The following GRIN2A variants were observed in gnomAD, a reference collection of about 807,000 sequenced individuals.
GRIN2A encodes glutamate ionotropic receptor NMDA type subunit 2A, also known as glutamate receptor ionotropic, NMDA 2A.
In GRIN2A, 22 loss-of-function variants were observed where a neutral mutation model predicts 113.4. That is an observed-to-expected ratio of 0.19 (90% CI 0.14 to 0.28). The LOEUF (loss-of-function observed/expected upper bound fraction) is 0.28. Among genes scored for constraint, GRIN2A ranks in the 10% least tolerant of loss-of-function variants. The pLI is 1.00. For synonymous variants in GRIN2A, 827 were observed against 738.4 expected (o/e 1.12, Z -1.94); for missense variants, 1,502 against 1,887.0 (o/e 0.80, Z 3.78).
At chr16:9,806,910 C>G (rs2041981154) in intron 10 of GRIN2A, among the ~76,000 whole-genome samples, 1 of 151,772 alleles carries the variant, frequency 6.6e-6, no homozygotes, top group Non-Finnish European at 1.5e-5. Flanking sequence ...GTGGGAGGGA[C>G]CCAGTGGGGG....
intron 2 of GRIN2A, among the ~76,000 whole-genome samples, chr16:10,177,667 G>A (rs1033990979): frequency 3.9e-5 from 6 of 152,004 alleles, no homozygotes; most frequent in Non-Finnish European, 5.9e-5. Flanking sequence ...TCCCCAAAAC[G>A]CAGTTTCATC....
At chr16:10,149,207 A>G (rs1326921883) in intron 2 of GRIN2A, among the ~76,000 whole-genome samples, 4 of 152,238 alleles carry the variant, frequency 2.6e-5, no homozygotes, top group South Asian at 2.1e-4. Context: ...TATATTTTTA[A>G]GTAAGTAAAA....
intron 2 of GRIN2A, among the ~76,000 whole-genome samples, chr16:10,087,074 G>A (rs528440660): frequency 1.8e-4 from 27 of 152,364 alleles, no homozygotes; most frequent in Non-Finnish European, 3.5e-4. Context: ...GATGAATGCA[G>A]TGGCTAAAGC....
intron 2 of GRIN2A, among the ~76,000 whole-genome samples, chr16:9,962,071 G>A (rs903581326): frequency 6.6e-6 from 1 of 152,174 alleles, no homozygotes; most frequent in Non-Finnish European, 1.5e-5. Flanking sequence ...GTAGAAAGCT[G>A]AAACTGGATC....
intron 4 of GRIN2A, among the ~76,000 whole-genome samples, chr16:9,883,445 A>G (rs1247268040): frequency 6.6e-6 from 1 of 152,214 alleles, no homozygotes; most frequent in Non-Finnish European, 1.5e-5. Context: ...GAATTAGTAT[A>G]CAGGTCTGCA....
chr16:9,994,951 A>G (rs193201108), intron 2 of GRIN2A, among the ~76,000 whole-genome samples: 127 of 152,322 alleles, frequency 8.3e-4, no homozygotes, highest in Middle Eastern at 6.8e-3. Context: ...CTAAGGTGAT[A>G]GGGTATGACA....
At chr16:9,824,784 T>C (rs766111106) in intron 9 of GRIN2A, among the ~76,000 whole-genome samples, 2 of 152,210 alleles carry the variant, frequency 1.3e-5, no homozygotes, top group Non-Finnish European at 2.9e-5. Flanking sequence ...TTATCCATTA[T>C]GTTCTATTTT....
chr16:9,766,543 C>T (rs1900934217), intron 12 of GRIN2A, among the ~76,000 whole-genome samples: 1 of 152,148 alleles, frequency 6.6e-6, no homozygotes, highest in African/African-American at 2.4e-5. Context: ...TTCCTGCAAA[C>T]TTATCTGTGG....
chr16:10,105,163 C>G (rs1342452405), intron 2 of GRIN2A, among the ~76,000 whole-genome samples: 1 of 151,930 alleles, frequency 6.6e-6, no homozygotes, highest in African/African-American at 2.4e-5. Flanking sequence ...CCTGGAGAAG[C>G]CTGGGGAAGC....
chr16:9,901,112 A>T (rs142190106), intron 3 of GRIN2A, among the ~76,000 whole-genome samples: 2 of 152,284 alleles, frequency 1.3e-5, no homozygotes, highest in East Asian at 3.9e-4. Flanking sequence ...AAAAGCAGGG[A>T]TTTTGCCTGG....
chr16:9,790,239 A>G (rs551312059), intron 11 of GRIN2A, among the ~76,000 whole-genome samples: 1 of 152,366 alleles, frequency 6.6e-6, no homozygotes, highest in South Asian at 2.1e-4. Flanking sequence ...TCTTTCCCAA[A>G]GAAACAGAAC....
At chr16:9,930,568 C>A (rs2044565811) in intron 3 of GRIN2A, among the ~76,000 whole-genome samples, 1 of 152,212 alleles carries the variant, frequency 6.6e-6, no homozygotes, top group Non-Finnish European at 1.5e-5. Flanking sequence ...CACAGGACAG[C>A]TTGGCCTCTG....
chr16:10,109,285 C>A (rs2142138410), intron 2 of GRIN2A, among the ~76,000 whole-genome samples: 1 of 152,154 alleles, frequency 6.6e-6, no homozygotes, highest in Non-Finnish European at 1.5e-5. Flanking sequence ...TTAAAACCCT[C>A]CCACAAAGTA....
chr16:9,916,686 C>T (rs1357382391), intron 3 of GRIN2A, among the ~76,000 whole-genome samples: 1 of 152,182 alleles, frequency 6.6e-6, no homozygotes, highest in Non-Finnish European at 1.5e-5. Context: ...CCACCATCCT[C>T]CCTTTTCCAA....
At chr16:9,807,076 A>ATGAT (rs1220224714) in intron 10 of GRIN2A, among the ~76,000 whole-genome samples, 1 of 151,018 alleles carries the variant, frequency 6.6e-6, no homozygotes, top group Non-Finnish European at 1.5e-5. Context: ...ACCTTCCACC[A>ATGAT]TGATTGTGAG....
intron 2 of GRIN2A, among the ~76,000 whole-genome samples, chr16:10,173,342 A>C (rs1019266380): frequency 6.6e-6 from 1 of 152,296 alleles, no homozygotes; most frequent in East Asian, 1.9e-4. Context: ...GCCAGGTTAC[A>C]AGAGCACCAA....
At chr16:10,027,595 T>C (rs2046848374) in intron 2 of GRIN2A, 1 of 152,382 alleles carries the variant, frequency 6.6e-6, no homozygotes. Context: ...ATGGAATATT[T>C]TGGAAACATC....
At chr16:9,906,784 T>G (rs941780830) in intron 3 of GRIN2A, among the ~76,000 whole-genome samples, 1 of 152,228 alleles carries the variant, frequency 6.6e-6, no homozygotes, top group African/African-American at 2.4e-5. Context: ...TTTGCACTTT[T>G]TTGTGCCTAA....
intron 2 of GRIN2A, among the ~76,000 whole-genome samples, chr16:9,980,342 T>A (rs2045867296): frequency 6.6e-6 from 1 of 151,342 alleles, no homozygotes; most frequent in Non-Finnish European, 1.5e-5. Context: ...AAACAACAGG[T>A]GCTGGAGAGG....
Sources: gnomAD v4.1 joint callset for allele counts (sites outside exome capture counted in the v4.1 genomes callset) on GRCh38, gnomAD v4.1.1 for gene constraint, MANE v1.5 for transcripts, NCBI Gene and HGNC (gene_info 2026-07-23, HGNC 2026-07-21) for gene names.